Variants in RAD51B observed in about 807,000 individuals in gnomAD.
RAD51B encodes the protein RAD51 paralog B, also known as DNA repair protein RAD51 homolog 2.
Under a neutral mutation model 42.2 loss-of-function variants are expected in RAD51B, and 38 were observed. The observed-to-expected ratio is 0.90, with a 90% CI of 0.70 to 1.18. RAD51B has a LOEUF of 1.18. Among genes scored for constraint, RAD51B ranks in the 50% most tolerant of loss-of-function variants. The pLI, the probability that RAD51B is intolerant of heterozygous loss-of-function variation, is 0.00. For synonymous variants in RAD51B, 154 were observed against 145.2 expected, an observed-to-expected ratio of 1.06 and a Z score of -0.43; for missense variants, 373 against 400.7, an observed-to-expected ratio of 0.93 and a Z score of 0.59.
chr14:68,339,046 C>T (rs1036545094), intron 8 of RAD51B: 3 of 667,496 alleles, frequency 4.5e-6, no homozygotes, highest in East Asian at 2.9e-5. Context: ...TCGATGGGAT[C>T]GACATCGTGT....
At chr14:68,554,740 GTC>G (rs1169006347) in intron 10 of RAD51B, among the ~76,000 whole-genome samples, 1 of 151,882 alleles carries the variant, frequency 6.6e-6, no homozygotes, top group Non-Finnish European at 1.5e-5. Context: ...CAGAATTTTT[GTC>G]TGTTTTGTTC....
intron 7 of RAD51B, among the ~76,000 whole-genome samples, chr14:68,028,048 G>T (rs1220554364): frequency 6.6e-6 from 1 of 152,142 alleles, no homozygotes; most frequent in Non-Finnish European, 1.5e-5. Flanking sequence ...GGTCTTTGTG[G>T]CTGAATTCTT....
chr14:68,056,088 A>G (rs1595334553), intron 7 of RAD51B, among the ~76,000 whole-genome samples: 2 of 152,288 alleles, frequency 1.3e-5, no homozygotes, highest in Middle Eastern at 6.8e-3. Flanking sequence ...TTTTCTTACT[A>G]GAAACTAGAG....
intron 7 of RAD51B, among the ~76,000 whole-genome samples, chr14:68,183,816 G>A (rs990089741): frequency 1.3e-5 from 2 of 152,006 alleles, no homozygotes; most frequent in South Asian, 2.1e-4. Flanking sequence ...GGGTAAGGCC[G>A]GGCGTAGTGG....
chr14:68,411,332 G>T (rs1024460681), intron 8 of RAD51B, 92 bp from the exon 9 acceptor site: 8 of 1,031,298 alleles, frequency 7.8e-6, no homozygotes, highest in East Asian at 2.5e-5. Context: ...AGTACTCTCT[G>T]GACTACTGGC....
At chr14:68,239,445 G>A (rs937093913) in intron 7 of RAD51B, among the ~76,000 whole-genome samples, 2 of 151,890 alleles carry the variant, frequency 1.3e-5, no homozygotes, top group East Asian at 1.9e-4. Context: ...CTCCAGAGAC[G>A]GAAGCAGTCA....
intron 8 of RAD51B, among the ~76,000 whole-genome samples, chr14:68,409,861 A>G (rs1033545396): frequency 2.0e-5 from 3 of 152,208 alleles, no homozygotes; most frequent in South Asian, 4.1e-4. Flanking sequence ...TAATTTGTGC[A>G]TATTTTGAAT....
chr14:68,176,382 T>A (rs1168279173), intron 7 of RAD51B, among the ~76,000 whole-genome samples: 3 of 152,188 alleles, frequency 2.0e-5, no homozygotes, highest in Non-Finnish European at 2.9e-5. Context: ...ATCAGTATGC[T>A]GTTCTCAAAG....
intron 7 of RAD51B, among the ~76,000 whole-genome samples, chr14:68,098,761 A>G (rs1295161420): frequency 6.6e-6 from 1 of 152,224 alleles, no homozygotes; most frequent in Non-Finnish European, 1.5e-5. Context: ...GAGCTAAACC[A>G]TATCACAGTG....
At chr14:68,314,216 G>A (rs1217562636) in intron 8 of RAD51B, among the ~76,000 whole-genome samples, 1 of 152,016 alleles carries the variant, frequency 6.6e-6, no homozygotes, top group Non-Finnish European at 1.5e-5. Context: ...ATAAGCATTC[G>A]ATAAAAGGAC....
downstream of RAD51B, among the ~76,000 whole-genome samples, chr14:68,479,048 G>A (rs920771984): frequency 6.6e-5 from 10 of 152,164 alleles, no homozygotes; most frequent in Non-Finnish European, 1.3e-4. Flanking sequence ...ATCAGGGAAG[G>A]TATTGGTGTG....
chr14:67,864,825 G>A (rs1390883199), intron 4 of RAD51B, 178 bp from the exon 5 acceptor site: 1 of 1,028,290 alleles, frequency 9.7e-7, no homozygotes, highest in Non-Finnish European at 1.4e-6. Flanking sequence ...ATGCAGAGGG[G>A]AGAAGTTAAT....
chr14:68,471,795 C>T (rs757722829), intron 10 of RAD51B, among the ~76,000 whole-genome samples: 35 of 152,096 alleles, frequency 2.3e-4, no homozygotes, highest in African/African-American at 3.1e-4. Flanking sequence ...TAATACCATC[C>T]TGTTTGCATC....
chr14:68,303,595 CTT>C (rs1007088854), intron 8 of RAD51B, among the ~76,000 whole-genome samples: 5 of 152,080 alleles, frequency 3.3e-5, no homozygotes, highest in African/African-American at 1.2e-4. Context: ...ATTTTGATCT[CTT>C]TGAGGCAAGT....
intron 10 of RAD51B, among the ~76,000 whole-genome samples, chr14:68,580,843 T>TACA (rs1890178796): frequency 6.6e-6 from 1 of 152,156 alleles, no homozygotes; most frequent in Non-Finnish European, 1.5e-5. Flanking sequence ...CTCAGCACAG[T>TACA]ATAGCCTTGT....
chr14:68,065,393 C>G (rs1250360124), intron 7 of RAD51B, among the ~76,000 whole-genome samples: 1 of 152,088 alleles, frequency 6.6e-6, no homozygotes, highest in Admixed American at 6.5e-5. Context: ...AGGTGCTACT[C>G]CCCTGGGGCC....
At chr14:68,311,757 T>C (rs1191772151) in intron 8 of RAD51B, among the ~76,000 whole-genome samples, 1 of 152,084 alleles carries the variant, frequency 6.6e-6, no homozygotes, top group Non-Finnish European at 1.5e-5. Context: ...CATGGTGGCA[T>C]GTGCCTGTAA....
At position 68,029,664 on chromosome 14, in the gene RAD51B, A is replaced by T. The variant is rs1447565938; in HGVS notation, c.756+142460A>T. Among the ~76,000 whole-genome samples the T allele has an allele frequency of 3.9e-5, 6 of 152,172 alleles. No homozygotes were observed. The South Asian group carries it at 8.3e-4, about 21-fold the overall frequency. ...CTCAAAGTAATGCATGACAGCTGGA[A>T]TCTTCTTCACTCCTGTGCATGTTGC... On this transcript the variant is annotated intron_variant, in intron 7 of 10. Transcript: ENST00000471583.
intron 10 of RAD51B, among the ~76,000 whole-genome samples, chr14:68,510,671 A>C (rs1327502321): frequency 6.6e-6 from 1 of 152,198 alleles, no homozygotes; most frequent in East Asian, 1.9e-4. Context: ...GAGCCACTTA[A>C]GGCTTCTGAG....
Sources: allele counts gnomAD v4.1 joint callset (sites outside exome capture counted in the v4.1 genomes callset), GRCh38; gene constraint gnomAD v4.1.1; transcripts MANE v1.5; gene names NCBI Gene and HGNC (gene_info 2026-07-23, HGNC 2026-07-21).